Variants in IGSF21 observed in about 807,000 individuals in gnomAD.
IGSF21 encodes the protein immunoglobulin superfamily member 21.
IGSF21 carries 28 observed loss-of-function variants against 46.8 expected under a neutral mutation model. The observed-to-expected ratio is 0.60, with a 90% confidence interval of 0.44 to 0.82. The LOEUF is 0.82. Ranked by LOEUF, IGSF21 falls within the 40% of genes least tolerant of loss-of-function variation. The probability of loss-of-function intolerance (pLI) is 0.00; values close to 1 mark genes in which losing one functional copy is unlikely to be tolerated. For missense variants in IGSF21, 624 were observed against 665.5 expected, an observed-to-expected ratio of 0.94 and a Z score of 0.69; for synonymous variants, 284 against 273.6, an observed-to-expected ratio of 1.04 and a Z score of -0.38.
chr1:18,245,159 A>T (rs1569618113), intron 2 of IGSF21, among the ~76,000 whole-genome samples: 2 of 152,224 alleles, frequency 1.3e-5, no homozygotes, highest in East Asian at 3.8e-4. Context: ...TAATTTTAAC[A>T]TTGCATATGA....
intron 4 of IGSF21, among the ~76,000 whole-genome samples, chr1:18,353,610 A>G (rs1216199143): frequency 6.6e-6 from 1 of 151,870 alleles, no homozygotes; most frequent in Non-Finnish European, 1.5e-5. Flanking sequence ...AACAAAAGAG[A>G]GCTTAGCTTA....
intron 1 of IGSF21, among the ~76,000 whole-genome samples, chr1:18,184,435 C>G (rs530700027): frequency 2.0e-5 from 3 of 152,184 alleles, no homozygotes; most frequent in African/African-American, 7.2e-5. Flanking sequence ...ACACAGATTT[C>G]GTTCCTTTAA....
rs140001431 is a variant in IGSF21, at chr1:18,195,349, G to A, written c.71-32549G>A. 6.1e-3 allele frequency among the ~76,000 whole-genome samples: 935 copies of A among 152,300 alleles called. 11 individuals carry two copies. Among genetic ancestry groups the A allele is most frequent in the African/African-American group, 0.021 (885 of 41,566 alleles). ...GCACAGGGAACTTGGGGTGCTCTGGGTGCCATCGATGGATTATAACGGCTG... is the reference window on the plus strand; with the variant it reads ...GCACAGGGAACTTGGGGTGCTCTGGATGCCATCGATGGATTATAACGGCTG... On this transcript the variant is annotated intron_variant, in intron 1 of 9. Transcript: ENST00000251296.
intron 1 of IGSF21, among the ~76,000 whole-genome samples, chr1:18,208,244 C>T (rs1316784458): frequency 2.0e-5 from 3 of 151,196 alleles, no homozygotes; most frequent in African/African-American, 7.3e-5. Context: ...CACCTGATCT[C>T]CTTGCCCAGA....
intron 1 of IGSF21, chr1:18,167,102 G>A (rs1044966731): frequency 6.5e-6 from 1 of 152,750 alleles, no homozygotes; most frequent in Admixed American, 6.5e-5. Flanking sequence ...GAAGGGGCAC[G>A]GGGTGAGCAG....
chr1:18,353,521 T>TG lies in IGSF21; in HGVS notation c.425-8593dup, dbSNP rs1391447512. Among the ~76,000 whole-genome samples the TG allele has an allele frequency of 9.2e-5, 14 of 152,240 alleles. No individual in the cohort carries two copies. The East Asian group carries it at 2.7e-3, about 29-fold the overall frequency. ...AGTGAGGGTATCGGAGGAAAAGAGATGTGTGTGAACCAATATGTGAGATAA... is the reference window on the plus strand; with the variant it reads ...AGTGAGGGTATCGGAGGAAAAGAGATGGTGTGTGAACCAATATGTGAGATAA... On this transcript the variant is annotated intron_variant, in intron 4 of 9. Transcript: ENST00000251296.
chr1:18,321,611 C>T (rs1156508068), intron 3 of IGSF21, among the ~76,000 whole-genome samples: 3 of 152,220 alleles, frequency 2.0e-5, no homozygotes, highest in African/African-American at 7.2e-5. Flanking sequence ...GGAGCCCTCT[C>T]ACCCCATGAG....
At chr1:18,298,526 TG>T (rs2085332787) in intron 3 of IGSF21, among the ~76,000 whole-genome samples, 1 of 151,958 alleles carries the variant, frequency 6.6e-6, no homozygotes, top group African/African-American at 2.4e-5. Flanking sequence ...CCACAGGTGG[TG>T]GGGAACAGCT....
chr1:18,302,893 C>T (rs1420059014), intron 3 of IGSF21, among the ~76,000 whole-genome samples: 2 of 152,202 alleles, frequency 1.3e-5, no homozygotes, highest in Non-Finnish European at 2.9e-5. Flanking sequence ...TACCTTCCCC[C>T]ACTCTCTATT....
At chr1:18,209,298 T>C (rs533565697) in intron 1 of IGSF21, among the ~76,000 whole-genome samples, 4 of 152,172 alleles carry the variant, frequency 2.6e-5, no homozygotes, top group Non-Finnish European at 4.4e-5. Flanking sequence ...AGACTGAAGC[T>C]TCCTGTGTCC....
At chr1:18,129,749 TC>T (rs958065998) in intron 1 of IGSF21, among the ~76,000 whole-genome samples, 2 of 152,160 alleles carry the variant, frequency 1.3e-5, no homozygotes, top group African/African-American at 4.8e-5. Context: ...CCTCCAAAAC[TC>T]ATGTTGAAAT....
chr1:18,299,445 T>C (rs1176049556), intron 3 of IGSF21, among the ~76,000 whole-genome samples: 1 of 152,242 alleles, frequency 6.6e-6, no homozygotes, highest in Non-Finnish European at 1.5e-5. Flanking sequence ...CTGACCCTCG[T>C]TGATTTCAAA....
chr1:18,300,855 G>A (rs746116188), intron 3 of IGSF21, among the ~76,000 whole-genome samples: 19 of 152,110 alleles, frequency 1.2e-4, no homozygotes, highest in Non-Finnish European at 2.2e-4. Flanking sequence ...AGGTCCCAGA[G>A]CAACGCTCCG....
At chr1:18,220,393 C>T (rs557295569) in intron 1 of IGSF21, among the ~76,000 whole-genome samples, 6 of 152,130 alleles carry the variant, frequency 3.9e-5, no homozygotes, top group South Asian at 2.1e-4. Flanking sequence ...CACCTGAGGT[C>T]GGGGGAGACT....
chr1:18,166,149 A>C (rs1444504139), intron 1 of IGSF21, among the ~76,000 whole-genome samples: 1 of 152,248 alleles, frequency 6.6e-6, no homozygotes, highest in East Asian at 1.9e-4. Flanking sequence ...ACCAGGGAAC[A>C]AGCATTCCTA....
chr1:18,210,033 A>G (rs2084373288), intron 1 of IGSF21, among the ~76,000 whole-genome samples: 1 of 152,166 alleles, frequency 6.6e-6, no homozygotes, highest in Non-Finnish European at 1.5e-5. Flanking sequence ...GGCCTTCAGC[A>G]GGACGAAGTT....
At chr1:18,301,064 C>G (rs1230934498) in intron 3 of IGSF21, among the ~76,000 whole-genome samples, 1 of 152,164 alleles carries the variant, frequency 6.6e-6, no homozygotes, top group African/African-American at 2.4e-5. Context: ...AAACAGTTAG[C>G]AAAACTCTTT....
intron 2 of IGSF21, among the ~76,000 whole-genome samples, chr1:18,262,941 T>C (rs1243582958): frequency 6.6e-6 from 1 of 152,202 alleles, no homozygotes; most frequent in Non-Finnish European, 1.5e-5. Flanking sequence ...ATTGGCCGCT[T>C]CCCCTTCCCC....
chr1:18,141,827 G>T (rs776538311), intron 1 of IGSF21, among the ~76,000 whole-genome samples: 1 of 152,038 alleles, frequency 6.6e-6, no homozygotes, highest in African/African-American at 2.4e-5. Context: ...CCAGCACTTC[G>T]GCAGGCCAAG....
Sources: gnomAD v4.1 joint callset for allele counts (sites outside exome capture counted in the v4.1 genomes callset) on GRCh38, gnomAD v4.1.1 for gene constraint, MANE v1.5 for transcripts, NCBI Gene and HGNC (gene_info 2026-07-23, HGNC 2026-07-21) for gene names.